Variants in MGMT observed in about 807,000 individuals in gnomAD.
The protein encoded by MGMT is O-6-methylguanine-DNA methyltransferase.
MGMT carries 14 observed loss-of-function variants against 15.9 expected under a neutral mutation model. The observed-to-expected ratio is 0.88, with a 90% CI of 0.58 to 1.37. The LOEUF is 1.37. Ranked by LOEUF, MGMT falls within the 40% of genes most tolerant of loss-of-function variation. The pLI, the probability that MGMT is intolerant of heterozygous loss-of-function variation, is 0.00. For synonymous variants in MGMT, 130 were observed against 118.2 expected, an observed-to-expected ratio of 1.10 and a Z score of -0.65; for missense variants, 282 against 268.1, an observed-to-expected ratio of 1.05 and a Z score of -0.36.
chr10:129,718,460 G>T (rs1426973307), intron 3 of MGMT, among the ~76,000 whole-genome samples: 1 of 149,390 alleles, frequency 6.7e-6, no homozygotes, highest in Non-Finnish European at 1.5e-5. Flanking sequence ...GGCCCTGCTT[G>T]CCCTCCATTT....
intron 3 of MGMT, among the ~76,000 whole-genome samples, chr10:129,712,132 G>T (rs1243512643): frequency 1.3e-5 from 2 of 152,158 alleles, no homozygotes; most frequent in African/African-American, 4.8e-5. Flanking sequence ...CACGTCCTCA[G>T]GTCCCTGAGC....
At chr10:129,668,444 T>G (rs574531145) in intron 2 of MGMT, among the ~76,000 whole-genome samples, 1 of 152,332 alleles carries the variant, frequency 6.6e-6, no homozygotes, top group African/African-American at 2.4e-5. Context: ...TTTTGTTTTT[T>G]GTTGTTTGGG....
intron 3 of MGMT, among the ~76,000 whole-genome samples, chr10:129,740,933 C>CGTT (rs1166892325): frequency 6.6e-6 from 1 of 152,210 alleles, no homozygotes; most frequent in Non-Finnish European, 1.5e-5. Context: ...TCCAGACCTA[C>CGTT]GTTACCATCT....
intron 1 of MGMT, among the ~76,000 whole-genome samples, chr10:129,508,746 C>T (rs1220417080): frequency 6.6e-6 from 1 of 151,916 alleles, no homozygotes; most frequent in African/African-American, 2.4e-5. Flanking sequence ...GGGTTTTCAC[C>T]ATGTTGGCCA....
intron 2 of MGMT, among the ~76,000 whole-genome samples, chr10:129,584,538 A>G (rs757336221): frequency 1.3e-5 from 2 of 151,928 alleles, no homozygotes; most frequent in African/African-American, 2.4e-5. Context: ...ATGCATTTAT[A>G]CAGTTGTGTG....
chr10:129,753,412 C>T (rs1423856912), intron 3 of MGMT, among the ~76,000 whole-genome samples: 1 of 152,060 alleles, frequency 6.6e-6, no homozygotes, highest in Non-Finnish European at 1.5e-5. Flanking sequence ...AATTTTTTCC[C>T]GTACTACACT....
intron 2 of MGMT, among the ~76,000 whole-genome samples, chr10:129,549,960 T>A (rs1846137369): frequency 6.6e-6 from 1 of 152,180 alleles, no homozygotes. Context: ...GGATGATAAG[T>A]AGGGCCAGGG....
At chr10:129,719,657 G>T (rs2133153228) in intron 3 of MGMT, among the ~76,000 whole-genome samples, 1 of 152,280 alleles carries the variant, frequency 6.6e-6, no homozygotes, top group African/African-American at 2.4e-5. Context: ...ACACCAGTCA[G>T]ATGGGATTAG....
intron 2 of MGMT, among the ~76,000 whole-genome samples, chr10:129,638,448 A>AAAAAAAAAAAAAAAAAAAAAC (rs1564744665): frequency 6.7e-6 from 1 of 148,592 alleles, no homozygotes; most frequent in Non-Finnish European, 1.5e-5. Flanking sequence ...AAAAAAAAGA[A>AAAAAAAAAAAAAAAAAAAAAC]AAAAAAAAGA....
intron 1 of MGMT, among the ~76,000 whole-genome samples, chr10:129,501,138 C>T (rs960054154): frequency 5.3e-5 from 8 of 152,206 alleles, no homozygotes; most frequent in Non-Finnish European, 7.3e-5. Flanking sequence ...TAGCCAGTAG[C>T]AGCTGTCCTG....
intron 2 of MGMT, among the ~76,000 whole-genome samples, chr10:129,652,519 G>A (rs374000297): frequency 1.4e-4 from 22 of 152,248 alleles, no homozygotes; most frequent in African/African-American, 5.3e-4. Flanking sequence ...AAAGGCCTGA[G>A]AGCAGACTTC....
At chr10:129,530,198 T>C (rs1022270298) in intron 1 of MGMT, among the ~76,000 whole-genome samples, 1 of 152,178 alleles carries the variant, frequency 6.6e-6, no homozygotes, top group African/African-American at 2.4e-5. Flanking sequence ...CCACCATGAC[T>C]GGCCCAGATT....
At chr10:129,591,774 AC>A (rs1254562818) in intron 2 of MGMT, among the ~76,000 whole-genome samples, 1 of 152,136 alleles carries the variant, frequency 6.6e-6, no homozygotes, top group Non-Finnish European at 1.5e-5. Flanking sequence ...TTCTAAAAAT[AC>A]AAAAAATTAG....
At chr10:129,485,888 CT>C (rs1564831489) in intron 1 of MGMT, among the ~76,000 whole-genome samples, 1 of 152,194 alleles carries the variant, frequency 6.6e-6, no homozygotes, top group East Asian at 1.9e-4. Flanking sequence ...TGACCCCAGA[CT>C]TTTTACCAGC....
chr10:129,531,858 A>G (rs1348561484), intron 1 of MGMT, among the ~76,000 whole-genome samples: 1 of 151,386 alleles, frequency 6.6e-6, no homozygotes, highest in Non-Finnish European at 1.5e-5. Flanking sequence ...GCAGGGCTTT[A>G]TTTTGATCCT....
chr10:129,549,325 T>G (rs1846130110), intron 2 of MGMT, among the ~76,000 whole-genome samples: 1 of 152,188 alleles, frequency 6.6e-6, no homozygotes, highest in Non-Finnish European at 1.5e-5. Context: ...CCCTCCAGAT[T>G]TTTATTGCCT....
rs569598880 is a variant in MGMT, at chr10:129,606,070, C to T, written c.125+69693C>T. Among the ~76,000 whole-genome samples the T allele has an allele frequency of 3.3e-5, 5 of 152,246 alleles. No individual in the cohort carries two copies. The East Asian group carries it at 9.7e-4, about 29-fold the overall frequency. On this transcript the variant is annotated intron_variant, in intron 2 of 4. Coordinates refer to ENST00000651593, the MANE Select transcript of MGMT (RefSeq NM_002412.5). The stretch of plus-strand genomic sequence containing the variant: ...GGACTGGCACTAATTTCCTCTCTCT[C>T]GTAAAACAACGTAGTATTCATAACA...
At position 129,759,309 on chromosome 10, in the gene MGMT, C is replaced by G. The variant is rs148705827; in HGVS notation, c.382C>G (p.Arg128Gly). 6.2e-7 allele frequency: 1 copy of G among 1,614,052 alleles called. No individual in the cohort carries two copies. Among genetic ancestry groups the G allele is most frequent in the African/African-American group, 1.3e-5 (1 of 74,908 alleles). Reference sequence around the variant, plus strand: ...CCTGGCAGGCAACCCCAAAGCCGCGCGAGCAGTGGGAGGAGCAATGAGAGG... The same window carrying G: ...CCTGGCAGGCAACCCCAAAGCCGCGGGAGCAGTGGGAGGAGCAATGAGAGG... ...AALAGNPKAA[R>G]AVGGAMRGNP... Residue 128 changes from arginine (R) to glycine (G), a missense_variant, in exon 4 of 5, where the codon CGA becomes GGA. Arg to Gly is a moderately radical substitution (Grantham distance 125). Coordinates refer to ENST00000651593, the MANE Select transcript of MGMT (RefSeq NM_002412.5).
chr10:129,730,689 C>T (rs1269063134), intron 3 of MGMT, among the ~76,000 whole-genome samples: 2 of 152,216 alleles, frequency 1.3e-5, no homozygotes, highest in Non-Finnish European at 2.9e-5. Flanking sequence ...CACTTGCTGT[C>T]CTGCTTGCCC....
Sources: allele counts gnomAD v4.1 joint callset (sites outside exome capture counted in the v4.1 genomes callset), GRCh38; gene constraint gnomAD v4.1.1; transcripts MANE v1.5; gene names NCBI Gene and HGNC (gene_info 2026-07-23, HGNC 2026-07-21).